Variants in NEBL observed in about 807,000 individuals in gnomAD.
The protein encoded by NEBL is LIM and SH3 protein 2.
A neutral mutation model predicts 140.2 loss-of-function variants in NEBL; 122 were observed. That is an observed-to-expected ratio of 0.87 (90% CI 0.75 to 1.01). NEBL has a LOEUF of 1.01. Ranked by LOEUF, NEBL falls within the 50% of genes least tolerant of loss-of-function variation. The probability of loss-of-function intolerance (pLI) is 0.00; values close to 1 mark genes in which losing one functional copy is unlikely to be tolerated. For synonymous variants in NEBL, 436 were observed against 398.9 expected, an observed-to-expected ratio of 1.09 and a Z score of -1.11; for missense variants, 1,365 against 1,231.3, an observed-to-expected ratio of 1.11 and a Z score of -1.62.
At chr10:20,792,475 G>A (rs1469499167) in intron 26 of NEBL, among the ~76,000 whole-genome samples, 1 of 152,170 alleles carries the variant, frequency 6.6e-6, no homozygotes, top group African/African-American at 2.4e-5. Context: ...TTTGAAGTAA[G>A]TATTAAATAA....
intron 13 of NEBL, among the ~76,000 whole-genome samples, chr10:20,837,146 G>A (rs2130945582): frequency 6.6e-6 from 1 of 152,090 alleles, no homozygotes; most frequent in African/African-American, 2.4e-5. Flanking sequence ...ACTGAGCTTA[G>A]TGAGGAAAGG....
intron 3 of NEBL, among the ~76,000 whole-genome samples, chr10:20,977,160 G>C (rs1004140229): frequency 6.6e-6 from 1 of 152,104 alleles, no homozygotes; most frequent in African/African-American, 2.4e-5. Flanking sequence ...ACCTTCCAAA[G>C]GCCGACCTCC....
intron 2 of NEBL, among the ~76,000 whole-genome samples, chr10:21,025,877 T>C (rs1160041151): frequency 4.6e-5 from 7 of 152,190 alleles, no homozygotes; most frequent in Non-Finnish European, 1.0e-4. Flanking sequence ...TGGCTCATAG[T>C]AGGCACTCAA....
chr10:20,810,263 C>T (rs1838006197), intron 24 of NEBL, among the ~76,000 whole-genome samples: 1 of 152,072 alleles, frequency 6.6e-6, no homozygotes, highest in South Asian at 2.1e-4. Flanking sequence ...TCTTGCTCTC[C>T]ACAGGCTGAA....
chr10:20,884,614 A>G (rs1246886358), intron 4 of NEBL, among the ~76,000 whole-genome samples: 1 of 152,272 alleles, frequency 6.6e-6, no homozygotes, highest in Non-Finnish European at 1.5e-5. Context: ...CGATCAGAAT[A>G]ATAACATAAC....
chr10:21,203,945 T>C (rs1841783806), intron 3 of NEBL, among the ~76,000 whole-genome samples: 1 of 152,136 alleles, frequency 6.6e-6, no homozygotes, highest in South Asian at 2.1e-4. Flanking sequence ...TTCCCTGACG[T>C]CAACAGCAGC....
At chr10:20,943,006 T>A (rs1834964280) in intron 4 of NEBL, among the ~76,000 whole-genome samples, 1 of 152,194 alleles carries the variant, frequency 6.6e-6, no homozygotes, top group Admixed American at 6.5e-5. Flanking sequence ...GTAAACTAGT[T>A]CAACCATTGT....
chr10:21,066,264 G>A (rs961712391), intron 2 of NEBL, among the ~76,000 whole-genome samples: 2 of 152,026 alleles, frequency 1.3e-5, no homozygotes, highest in African/African-American at 2.4e-5. Flanking sequence ...ACCCGACATA[G>A]GATAGGAATG....
Position 21,073,671 on chromosome 10 carries a change from C to T in NEBL, c.165-53470G>A, listed in dbSNP as rs537862709. On this transcript the variant is annotated intron_variant, in intron 2 of 6. Transcript: ENST00000417816. ...TTCAATCATATTACTGCTTTCTTTT[C>T]CCCACTGCTCCCTACTCCCAAAGAA... Among the ~76,000 whole-genome samples, 264 of 150,974 alleles carry T rather than the reference C, an allele frequency of 1.7e-3. 1 individual carries two copies. The highest frequency in any genetic ancestry group is 2.5e-3 in the Non-Finnish European group (168 of 67,758).
chr10:20,884,224 A>AT lies in NEBL; in HGVS notation c.370-3321dup, dbSNP rs1167258648. On this transcript the variant is annotated intron_variant, in intron 4 of 27. Coordinates refer to ENST00000377122, the MANE Select transcript of NEBL (RefSeq NM_006393.3). ...ATGTACATTTATGTTTCACTTATAGATTTTTTTGGCATTTACTTATTTATT... is the reference window on the plus strand; with the variant it reads ...ATGTACATTTATGTTTCACTTATAGATTTTTTTTGGCATTTACTTATTTATT... Among the ~76,000 whole-genome samples, 2 of 152,128 alleles carry AT rather than the reference A, an allele frequency of 1.3e-5. 1 individual carries two copies. Among genetic ancestry groups the AT allele is most frequent in the African/African-American group, 4.8e-5 (2 of 41,428 alleles).
chr10:21,044,188 G>T (rs1834396478), intron 2 of NEBL, among the ~76,000 whole-genome samples: 1 of 152,060 alleles, frequency 6.6e-6, no homozygotes, highest in Admixed American at 6.5e-5. Flanking sequence ...CCTGAGGTCA[G>T]GAGTTCGAGA....
At chr10:21,132,389 A>G (rs1839155674) in intron 2 of NEBL, among the ~76,000 whole-genome samples, 1 of 152,138 alleles carries the variant, frequency 6.6e-6, no homozygotes, top group African/African-American at 2.4e-5. Flanking sequence ...CTCGTCAATT[A>G]GTGGACATTT....
chr10:21,248,681 C>A (rs560459399), intron 2 of NEBL, among the ~76,000 whole-genome samples: 2 of 152,128 alleles, frequency 1.3e-5, no homozygotes, highest in African/African-American at 4.8e-5. Flanking sequence ...GCGTATATGC[C>A]CAGGAGTAGA....
chr10:20,799,899 A>C (rs957139591), intron 26 of NEBL, among the ~76,000 whole-genome samples: 19 of 152,048 alleles, frequency 1.2e-4, no homozygotes, highest in African/African-American at 4.6e-4. Flanking sequence ...ATAGTGAAGC[A>C]AATTATCATA....
intron 3 of NEBL, among the ~76,000 whole-genome samples, chr10:21,190,217 C>T (rs1841549531): frequency 6.6e-6 from 1 of 152,060 alleles, no homozygotes; most frequent in Non-Finnish European, 1.5e-5. Flanking sequence ...TAGTGGCTTA[C>T]GTCTGTAATC....
At chr10:21,008,352 A>G (rs1838214256) in intron 3 of NEBL, among the ~76,000 whole-genome samples, 1 of 152,206 alleles carries the variant, frequency 6.6e-6, no homozygotes, top group South Asian at 2.1e-4. Context: ...CCACATTTGC[A>G]TAACTTTTAT....
intron 3 of NEBL, among the ~76,000 whole-genome samples, chr10:21,231,491 A>G (rs768935894): frequency 6.6e-6 from 1 of 152,108 alleles, no homozygotes; most frequent in Non-Finnish European, 1.5e-5. Flanking sequence ...ATGAGCCGAG[A>G]TGGCGCCACT....
In NEBL at chr10:20,938,248, A is replaced by G. The variant is rs1184778075; in HGVS notation, c.357+23424T>C. Among the ~76,000 whole-genome samples, 6 of 152,346 alleles carry G rather than the reference A, an allele frequency of 3.9e-5. No homozygotes were observed. The East Asian group carries it at 1.2e-3, about 29-fold the overall frequency. On this transcript the variant is annotated intron_variant, in intron 4 of 6. Coordinates refer to the NEBL transcript ENST00000417816. ...TACTCCTCTGAGACAAAACTTGCAG[A>G]GGAACGATCAAGCAGCAACATTTGC...
intron 2 of NEBL, among the ~76,000 whole-genome samples, chr10:21,054,778 A>G (rs117079045): frequency 0.017 from 2,630 of 152,322 alleles, 33 homozygotes; most frequent in Middle Eastern, 0.051. Context: ...CTGCATTAAA[A>G]GAAATGTATG....
Sources: gnomAD v4.1 joint callset for allele counts (sites outside exome capture counted in the v4.1 genomes callset) on GRCh38, gnomAD v4.1.1 for gene constraint, MANE v1.5 for transcripts, NCBI Gene and HGNC (gene_info 2026-07-23, HGNC 2026-07-21) for gene names.